The following RFC1 variants were observed in gnomAD, a reference collection of about 807,000 sequenced individuals.
RFC1 encodes the protein replication factor C subunit 1.
In RFC1, 37 loss-of-function variants were observed where a neutral mutation model predicts 137.4. The ratio of observed to expected loss-of-function variants is 0.27; its 90% CI spans 0.21 to 0.35. The LOEUF (loss-of-function observed/expected upper bound fraction) is 0.35, where lower values mean the gene tolerates loss of function less well. Ranked by LOEUF, RFC1 falls within the 10% of genes least tolerant of loss-of-function variation. RFC1 has a pLI of 1.00. For missense variants in RFC1, 1,205 were observed against 1,358.5 expected (o/e 0.89, Z 1.78); for synonymous variants, 429 against 455.7 (o/e 0.94, Z 0.75).
At position 39,298,307 on chromosome 4, in the gene RFC1, C is replaced by CA. The variant is rs55727769; in HGVS notation, c.2808+1713dup. Among the ~76,000 whole-genome samples the CA allele has an allele frequency of 3.3e-3, 372 of 111,190 alleles. 19 individuals are homozygous for CA. Among genetic ancestry groups the CA allele is most frequent in the African/African-American group, 8.7e-3 (276 of 31,676 alleles). The allele number at this position is 111,190 out of a possible 152,430, so 72.9% of individuals were successfully genotyped here. On this transcript the variant is annotated intron_variant, in intron 21 of 24. Transcript: ENST00000349703. ...TGCCTGACAGAGTGAGACCTTGTCT[C>CA]AAAAAAAAAAAAAAAAAAAAAAAAA...
At chr4:39,300,509 C>T (rs756252169) in intron 19 of RFC1, 95 bp from the exon 20 acceptor site, 38 of 905,410 alleles carry the variant, frequency 4.2e-5, no homozygotes, top group Middle Eastern at 3.3e-4. Flanking sequence ...AGAGGAATTC[C>T]ATTCATTGCT....
At chr4:39,330,924 T>C (rs528759060) in intron 4 of RFC1, among the ~76,000 whole-genome samples, 16 of 151,484 alleles carry the variant, frequency 1.1e-4, no homozygotes, top group South Asian at 2.1e-4. Context: ...CACACACACA[T>C]ATATATATAT....
chr4:39,316,136 A>AAG (rs1163262632), intron 10 of RFC1, among the ~76,000 whole-genome samples: 1 of 152,250 alleles, frequency 6.6e-6, no homozygotes. Flanking sequence ...AGGCTGAGGC[A>AAG]GGAGAATCGC....
chr4:39,314,772 G>A (rs769653483), intron 10 of RFC1, among the ~76,000 whole-genome samples: 1 of 151,956 alleles, frequency 6.6e-6, no homozygotes, highest in African/African-American at 2.4e-5. Context: ...ATCTCTATAT[G>A]TACTTATATA....
intron 22 of RFC1, among the ~76,000 whole-genome samples, chr4:39,294,880 T>C (rs1737898218): frequency 6.6e-6 from 1 of 152,060 alleles, no homozygotes. Context: ...GGCGTGCGCC[T>C]ATAATCCCAG....
chr4:39,313,508 C>T (rs1045522411), intron 10 of RFC1, among the ~76,000 whole-genome samples: 3 of 152,150 alleles, frequency 2.0e-5, no homozygotes, highest in Non-Finnish European at 2.9e-5. Context: ...AATCCCTGCC[C>T]GCAAGAGCTA....
At chr4:39,365,552 T>G (rs1453939955) in intron 1 of RFC1, 12 of 926,990 alleles carry the variant, frequency 1.3e-5, no homozygotes, top group Non-Finnish European at 1.5e-5. Context: ...GAGGCTTGGG[T>G]TTTTTTCAGA....
chr4:39,294,178 T>C (rs1737848318), intron 22 of RFC1, among the ~76,000 whole-genome samples: 1 of 152,128 alleles, frequency 6.6e-6, no homozygotes, highest in Non-Finnish European at 1.5e-5. Flanking sequence ...AGAAAACTAA[T>C]ACATGGGTAG....
chr4:39,289,948 C>T lies in RFC1; in HGVS notation c.3260G>A (p.Ser1087Asn), dbSNP rs771098449. Reference protein sequence around the residue: ...QAIKASRHSTSPSLDSEYNEE... With the variant: ...QAIKASRHSTNPSLDSEYNEE... ...ATTGTATTCCGAATCCAGGGATGGG[C>T]TTGTGCTGTGTCTAGATGCCTTTAT... Residue 1087 changes from serine to asparagine, a missense_variant, in exon 24 of 25, where the codon AGC becomes AAC. Ser to Asn is a conservative substitution (Grantham distance 46). Coordinates refer to ENST00000349703, the MANE Select transcript of RFC1 (RefSeq NM_002913.5). The T allele has an allele frequency of 1.2e-6, 2 of 1,613,156 alleles. No homozygotes were observed. The highest frequency in any genetic ancestry group is 1.7e-4 in the Middle Eastern group (1 of 6,060).
Position 39,313,783 on chromosome 4 carries a change from G to A in RFC1, c.1204-852C>T, listed in dbSNP as rs181042841. On this transcript the variant is annotated intron_variant, in intron 10 of 24. Coordinates refer to ENST00000349703, the MANE Select transcript of RFC1 (RefSeq NM_002913.5). ...AGTGTGAGCTCGTGCCTTCCTCTCT[G>A]CTCATTACTCTAGGATAGTAAATCT... Among the ~76,000 whole-genome samples, 14 of 152,266 alleles carry A rather than the reference G, an allele frequency of 9.2e-5. No individual in the cohort carries two copies. In the East Asian group the frequency reaches 2.7e-3, roughly 29 times the overall value.
chr4:39,309,836 A>T (rs554252176), intron 12 of RFC1, among the ~76,000 whole-genome samples: 41 of 152,316 alleles, frequency 2.7e-4, no homozygotes, highest in African/African-American at 6.0e-4. Flanking sequence ...CTCAGTTTTT[A>T]AAAAAATTAG....
intron 4 of RFC1, among the ~76,000 whole-genome samples, chr4:39,330,099 C>T (rs540706277): frequency 2.5e-4 from 38 of 151,880 alleles, no homozygotes; most frequent in Non-Finnish European, 4.3e-4. Flanking sequence ...GGATGGGGGA[C>T]GGTTCACTGT....
chr4:39,350,472 A>C (rs887883949), intron 2 of RFC1, among the ~76,000 whole-genome samples: 1 of 152,182 alleles, frequency 6.6e-6, no homozygotes, highest in African/African-American at 2.4e-5. Context: ...ACCAAAAATT[A>C]AAAAATTCTT....
intron 1 of RFC1, among the ~76,000 whole-genome samples, chr4:39,355,367 C>G (rs139987623): frequency 6.6e-6 from 1 of 151,874 alleles, no homozygotes; most frequent in African/African-American, 2.4e-5. Flanking sequence ...GAGTTTGAGG[C>G]TGCAGTGAGC....
chr4:39,351,997 T>C (rs1741231740), intron 1 of RFC1, among the ~76,000 whole-genome samples: 1 of 151,438 alleles, frequency 6.6e-6, no homozygotes, highest in Non-Finnish European at 1.5e-5. Context: ...ATAATTTGTC[T>C]AATAAAGAGT....
At chr4:39,290,646 T>C (rs7656742) in intron 23 of RFC1, among the ~76,000 whole-genome samples, 148,201 of 152,042 alleles carry the variant, frequency 0.97, 72,332 homozygotes, top group Middle Eastern at 1. Flanking sequence ...GAAACCCCAT[T>C]TCTACTAAAA....
At chr4:39,349,944 C>A (rs1466035575) in intron 2 of RFC1, among the ~76,000 whole-genome samples, 1 of 152,080 alleles carries the variant, frequency 6.6e-6, no homozygotes, top group South Asian at 2.1e-4. Context: ...GCAGAGGTTG[C>A]GGTGAGCCGA....
chr4:39,323,387 A>T lies in RFC1; in HGVS notation c.673T>A (p.Phe225Ile). ...LERQLHEDEE[F>I]ARTLAMLDEE... The stretch of plus-strand genomic sequence containing the variant: ...TCCAACATGGCTAATGTTCTGGCAA[A>T]CTCTTCATCTTCATGCAACTGCCTC... Residue 225 changes from phenylalanine (F) to isoleucine (I), a missense_variant, in exon 7 of 25, where the codon TTT becomes ATT. By Grantham distance (21) the Phe-to-Ile change is conservative (BLOSUM62 0). Around this residue, in one of 3 missense-constraint regions of RFC1, gnomAD observed 962 missense variants for 1,035.3 expected, o/e 0.93. Transcript: ENST00000349703. The T allele has an allele frequency of 1.2e-6, 2 of 1,614,052 alleles. No homozygotes were observed. Among genetic ancestry groups the T allele is most frequent in the Non-Finnish European group, 1.7e-6 (2 of 1,179,976 alleles).
At chr4:39,328,175 T>C (rs971752929) in intron 4 of RFC1, among the ~76,000 whole-genome samples, 1 of 117,618 alleles carries the variant, frequency 8.5e-6, no homozygotes, top group African/African-American at 2.5e-5. Context: ...AATAACTTTT[T>C]CCCCCTATCT....
Sources: allele counts gnomAD v4.1 joint callset (sites outside exome capture counted in the v4.1 genomes callset), GRCh38; gene constraint gnomAD v4.1.1; regional missense constraint gnomAD v4.1.1; transcripts MANE v1.5; gene names NCBI Gene and HGNC (gene_info 2026-07-23, HGNC 2026-07-21).